The following ABHD16A variants were observed in gnomAD, a reference collection of about 807,000 sequenced individuals.
The protein encoded by ABHD16A is phosphatidylserine lipase ABHD16A.
ABHD16A carries 47 observed loss-of-function variants against 89.8 expected under a neutral mutation model. That is an observed-to-expected ratio of 0.52 (90% CI 0.41 to 0.67). The LOEUF is 0.67. ABHD16A is among the 30% of genes least tolerant of loss of function. ABHD16A has a pLI of 0.00. For missense variants in ABHD16A, 580 were observed against 734.6 expected (o/e 0.79, Z 2.43); for synonymous variants, 251 against 280.4 (o/e 0.90, Z 1.05).
chr6:31,700,942 C>G lies in ABHD16A; in HGVS notation c.343G>C (p.Gly115Arg). Residue 115 changes from glycine (G) to arginine (R), a missense_variant and splice_region_variant, in exon 4 of 20, where the codon GGC becomes CGC. By Grantham distance (125) the Gly-to-Arg change is moderately radical. Around this residue, in one of 2 missense-constraint regions of ABHD16A, gnomAD observed 165 missense variants for 165.8 expected, o/e 1.00. Transcript: ENST00000395952. ...LLLAGVACLR[G>R]IGRWTNPQYR... ...CAAACCAGGTTTCCTCTCCACCTAC[C>G]TCGGAGGCAGGCCACACCTGCCAGA... The G allele has an allele frequency of 6.2e-7, 1 of 1,613,316 alleles. No homozygotes were observed. Among genetic ancestry groups the G allele is most frequent in the Non-Finnish European group, 8.5e-7 (1 of 1,179,374 alleles).
rs1803883189 is a variant in ABHD16A at position 31,691,610 on chromosome 6, C to T, written c.812G>A (p.Arg271Gln). ...CTGTCCCTGGGGCTCAGCTGTCCCC[C>T]GCCGGTCCACAAACATGGTGTCAAT... Reference protein sequence around the residue: ...NEIDTMFVDRRGTAEPQGQKL... With the variant: ...NEIDTMFVDRQGTAEPQGQKL... Residue 271 changes from arginine to glutamine, a missense_variant, in exon 9 of 20, where the codon CGG (arginine) becomes CAG (glutamine). Arg to Gln is a conservative substitution (Grantham distance 43, BLOSUM62 1). This residue lies in a region of ABHD16A where 415 missense variants were observed against 568.8 expected (regional missense o/e 0.73). Coordinates refer to ENST00000395952, the MANE Select transcript of ABHD16A (RefSeq NM_021160.3). 8 of 1,613,020 alleles carry T rather than the reference C, an allele frequency of 5.0e-6. No homozygotes were observed. Among genetic ancestry groups the T allele is most frequent in the East Asian group, 2.2e-5 (1 of 44,882 alleles).
rs1397434965 is a variant in ABHD16A at position 31,698,291 on chromosome 6, T to C, written c.344-1258A>G. 1.3e-5 allele frequency among the ~76,000 whole-genome samples: 2 copies of C among 151,394 alleles called. No homozygotes were observed. Among genetic ancestry groups the C allele is most frequent in the Non-Finnish European group, 1.5e-5 (1 of 67,904 alleles). On this transcript the variant is annotated intron_variant, in intron 4 of 19. Coordinates refer to ENST00000395952, the MANE Select transcript of ABHD16A (RefSeq NM_021160.3). The surrounding 1 kb of genome is among the most constrained non-coding windows in gnomAD (Gnocchi z 4.1). ...CACACCAAATGACAATTATTACTTCTGAGGAAAGAGGAAGATGGGACTGAA... is the reference window on the plus strand; with the variant it reads ...CACACCAAATGACAATTATTACTTCCGAGGAAAGAGGAAGATGGGACTGAA...
chr6:31,702,640 T>A (rs1355799769), intron 1 of ABHD16A: 2 of 1,521,072 alleles, frequency 1.3e-6, no homozygotes, highest in African/African-American at 1.4e-5. Context: ...CAGAATACAA[T>A]GACTCGGGTC....
At chr6:31,700,183 T>G (rs1018844377) in intron 4 of ABHD16A, among the ~76,000 whole-genome samples, 68 of 151,912 alleles carry the variant, frequency 4.5e-4, no homozygotes, top group Non-Finnish European at 8.5e-4. Flanking sequence ...TGGAGTGCAG[T>G]AGCGCAATCT....
At chr6:31,701,982 G>T in intron 2 of ABHD16A, 92 bp downstream of exon 2, 2 of 1,444,970 alleles carry the variant, frequency 1.4e-6, no homozygotes, top group Non-Finnish European at 1.9e-6. Flanking sequence ...CCCAACCCCA[G>T]GGCACTGTTG....
Position 31,693,520 on chromosome 6 carries a change from G to C in ABHD16A, c.430-88C>G. ...TCAACAACACCTTCGTTATCCAGGG[G>C]TCTGATCCCCACACATCATGGGGAA... On this transcript the variant is annotated intron_variant, in intron 5 of 19. Coordinates refer to ENST00000395952, the MANE Select transcript of ABHD16A (RefSeq NM_021160.3). This position sits in a 1 kb window ranked among gnomAD's most constrained non-coding sequence, Gnocchi z 5.0. 1 of 1,277,574 alleles carries C rather than the reference G, an allele frequency of 7.8e-7. No homozygotes were observed. Among genetic ancestry groups the C allele is most frequent in the Non-Finnish European group, 1.1e-6 (1 of 893,092 alleles). The allele number at this position is 1,277,574 out of a possible 1,614,324, so 79.1% of individuals were successfully genotyped here. A position where few individuals can be genotyped will look rare whatever the true frequency, so the allele number is the denominator to read the frequency against.
chr6:31,692,252 T>C, intron 7 of ABHD16A: 1 of 254,528 alleles, frequency 3.9e-6, no homozygotes, highest in Non-Finnish European at 7.5e-6. Flanking sequence ...TGTTAAAATA[T>C]AAGTACAACA....
Position 31,688,429 on chromosome 6 carries a change from G to A in ABHD16A, c.1251-124C>T. 9.7e-7 allele frequency: 1 copy of A among 1,029,092 alleles called. No homozygotes were observed. Among genetic ancestry groups the A allele is most frequent in the Non-Finnish European group, 1.5e-6 (1 of 673,882 alleles). The allele number at this position is 1,029,092 out of a possible 1,614,324, so 63.7% of individuals were successfully genotyped here. The stretch of plus-strand genomic sequence containing the variant: ...TTGCTATAGCACAGCCCTTGACCTA[G>A]CCCTTCACTCAGGGGTGAGAGGGGA... On this transcript the variant is annotated intron_variant, in intron 14 of 19. Coordinates refer to ENST00000395952, the MANE Select transcript of ABHD16A (RefSeq NM_021160.3). This position sits in a 1 kb window ranked among gnomAD's most constrained non-coding sequence, Gnocchi z 4.9.
Position 31,693,069 on chromosome 6 carries a change from G to T in ABHD16A, c.584C>A (p.Thr195Asn), listed in dbSNP as rs1001752234. The T allele has an allele frequency of 3.1e-6, 5 of 1,614,060 alleles. No individual in the cohort carries two copies. The African/African-American group carries it at 5.3e-5, about 17-fold the overall frequency. The change falls in exon 7 of 20, where the codon ACC becomes AAC. Residue 195 changes from threonine (T) to asparagine (N), a missense_variant. Thr to Asn is a moderately conservative substitution (Grantham distance 65). Coordinates refer to ENST00000395952, the MANE Select transcript of ABHD16A (RefSeq NM_021160.3). The surrounding 1 kb of genome is among the most constrained non-coding windows in gnomAD (Gnocchi z 5.0). ...CAGCTTCTTAACCCGGTTGAGGAGGGTGTCTGCTGTCCCCCGGTGCAGGGG... is the reference window on the plus strand; with the variant it reads ...CAGCTTCTTAACCCGGTTGAGGAGGTTGTCTGCTGTCCCCCGGTGCAGGGG... ...PEPLHRGTAD[T>N]LLNRVKKLPC... is the part of the protein sequence containing the mutation.
intron 8 of ABHD16A, 29 bp downstream of exon 8, chr6:31,691,775 T>C: frequency 6.3e-7 from 1 of 1,594,174 alleles, no homozygotes; most frequent in Non-Finnish European, 8.5e-7. Context: ...GGGAGGGCTT[T>C]AGGGGATGTG....
At position 31,688,363 on chromosome 6, in the gene ABHD16A, C is replaced by G. The variant is rs1406854443; in HGVS notation, c.1251-58G>C. ...TCAGAGGGAGACGGGTGACAACTGG[C>G]CCACCCCTATCCCTGCACTGGTAGC... On this transcript the variant is annotated intron_variant, in intron 14 of 19. Coordinates refer to ENST00000395952, the MANE Select transcript of ABHD16A (RefSeq NM_021160.3). The surrounding 1 kb of genome is among the most constrained non-coding windows in gnomAD (Gnocchi z 4.9). 17 of 1,529,882 alleles carry G rather than the reference C, an allele frequency of 1.1e-5. No homozygotes were observed. The highest frequency in any genetic ancestry group is 1.4e-5 in the Non-Finnish European group (16 of 1,104,632). The allele number at this position is 1,529,882 out of a possible 1,614,324, so 94.8% of individuals were successfully genotyped here. A position where few individuals can be genotyped will look rare whatever the true frequency, so the allele number is the denominator to read the frequency against.
rs751257595 is a variant in ABHD16A at position 31,687,811 on chromosome 6, G to A, written c.1447+13C>T. 19 of 1,612,816 alleles carry A rather than the reference G, an allele frequency of 1.2e-5. No homozygotes were observed. Among genetic ancestry groups the A allele is most frequent in the Non-Finnish European group, 1.6e-5 (19 of 1,180,004 alleles). On this transcript the variant is annotated intron_variant, in intron 17 of 19. Coordinates refer to ENST00000395952, the MANE Select transcript of ABHD16A (RefSeq NM_021160.3). This position sits in a 1 kb window ranked among gnomAD's most constrained non-coding sequence, Gnocchi z 6.3. ...TGGGCCCCCGCCCCAAGCCTCACTGGATCCCTTCTCACCTTCCTCCAGCTG... is the reference window on the plus strand; with the variant it reads ...TGGGCCCCCGCCCCAAGCCTCACTGAATCCCTTCTCACCTTCCTCCAGCTG...
At chr6:31,689,974 G>C in intron 11 of ABHD16A, 104 bp downstream of exon 11, 1 of 1,328,106 alleles carries the variant, frequency 7.5e-7, no homozygotes, top group Non-Finnish European at 1.0e-6. Flanking sequence ...CAGGTGAGTG[G>C]GACGCCTTCA....
rs370040582 is a variant in ABHD16A, at chr6:31,687,335, G to A, written c.1594-40C>T. On this transcript the variant is annotated intron_variant, in intron 19 of 19. Coordinates refer to ENST00000395952, the MANE Select transcript of ABHD16A (RefSeq NM_021160.3). This position sits in a 1 kb window ranked among gnomAD's most constrained non-coding sequence, Gnocchi z 6.3. ...TGGGACAGGTGGGGTACAGAGCACT[G>A]TTGGGAGGGGCAGCCACTGGACTCC... The A allele has an allele frequency of 3.8e-5, 61 of 1,606,272 alleles. No individual in the cohort carries two copies. Among genetic ancestry groups the A allele is most frequent in the Non-Finnish European group, 4.9e-5 (58 of 1,174,496 alleles).
chr6:31,697,117 T>C (rs898382485), intron 4 of ABHD16A, 84 bp from the exon 5 acceptor site: 1 of 1,241,884 alleles, frequency 8.1e-7, no homozygotes, highest in Non-Finnish European at 1.2e-6. Context: ...GGAGATGGGC[T>C]AGAAGAAGGC....
chr6:31,693,189 G>T lies in ABHD16A; in HGVS notation c.504-40C>A. 1 of 1,601,662 alleles carries T rather than the reference G, an allele frequency of 6.2e-7. No homozygotes were observed. ...GATGCAGGGAAGGATAGGGTCAGGA[G>T]CAGCAAGCTGGATGTCTGAGGTCTG... On this transcript the variant is annotated intron_variant, in intron 6 of 19. Coordinates refer to ENST00000395952, the MANE Select transcript of ABHD16A (RefSeq NM_021160.3). The surrounding 1 kb of genome is among the most constrained non-coding windows in gnomAD (Gnocchi z 5.0).
intron 7 of ABHD16A, chr6:31,692,818 T>C (rs1289129485): frequency 7.7e-6 from 4 of 517,090 alleles, no homozygotes; most frequent in Non-Finnish European, 1.3e-5. Flanking sequence ...GTTCTTTACT[T>C]ACTACATTTG....
At chr6:31,701,471 C>A (rs1166494769) in intron 2 of ABHD16A, 131 bp from the exon 3 acceptor site, 5 of 736,426 alleles carry the variant, frequency 6.8e-6, no homozygotes, top group Non-Finnish European at 1.1e-5. Context: ...GTGTATGACA[C>A]CATGAATACA....
rs749457656 is a variant in ABHD16A at position 31,690,620 on chromosome 6, A to G, written c.844-18T>C. On this transcript the variant is annotated intron_variant, in intron 9 of 19. Coordinates refer to ENST00000395952, the MANE Select transcript of ABHD16A (RefSeq NM_021160.3). The surrounding 1 kb of genome is among the most constrained non-coding windows in gnomAD (Gnocchi z 4.1). ...CAGATCACCTAGGAAGGAGGCAGGA[A>G]GGAAGGGCTGGGGGGCCAAGTTGGG... The G allele has an allele frequency of 2.5e-5, 41 of 1,612,662 alleles. No homozygotes were observed. The highest frequency in any genetic ancestry group is 3.5e-5 in the Non-Finnish European group (41 of 1,179,872).
Sources: allele counts gnomAD v4.1 joint callset (sites outside exome capture counted in the v4.1 genomes callset), GRCh38; gene constraint gnomAD v4.1.1; regional missense constraint gnomAD v4.1.1; non-coding constraint Gnocchi (gnomAD v3.1); transcripts MANE v1.5; gene names NCBI Gene and HGNC (gene_info 2026-07-23, HGNC 2026-07-21).